Variants in DNAL1 observed in about 807,000 individuals in gnomAD.
The protein encoded by DNAL1 is dynein axonemal light chain 1, also known as chromosome 14 open reading frame 168.
In DNAL1, 17 loss-of-function variants were observed where a neutral mutation model predicts 29.4. The ratio of observed to expected loss-of-function variants is 0.58; its 90% CI spans 0.40 to 0.87. DNAL1 has a LOEUF of 0.87. Ranked by LOEUF, DNAL1 falls within the 40% of genes least tolerant of loss-of-function variation. The pLI is 0.00. For missense variants in DNAL1, 188 were observed against 214.1 expected, an observed-to-expected ratio of 0.88 and a Z score of 0.76; for synonymous variants, 78 against 76.3, an observed-to-expected ratio of 1.02 and a Z score of -0.12.
intron 6 of DNAL1, among the ~76,000 whole-genome samples, chr14:73,688,490 G>A (rs545863097): frequency 3.4e-4 from 52 of 152,208 alleles, no homozygotes; most frequent in Non-Finnish European, 5.9e-4. Flanking sequence ...AGGTGTGGTG[G>A]TACATGCCTG....
intron 4 of DNAL1, among the ~76,000 whole-genome samples, chr14:73,669,890 A>C (rs2140041002): frequency 6.6e-6 from 1 of 152,272 alleles, no homozygotes; most frequent in Non-Finnish European, 1.5e-5. Context: ...CCACTCTTAA[A>C]ATACCTTGCT....
chr14:73,677,170 C>T (rs1372669426), intron 5 of DNAL1, among the ~76,000 whole-genome samples: 1 of 151,882 alleles, frequency 6.6e-6, no homozygotes, highest in Non-Finnish European at 1.5e-5. Context: ...CGTGATTTCA[C>T]CTTGCTAGCC....
At chr14:73,680,631 ATTAT>A (rs779588749) in intron 5 of DNAL1, among the ~76,000 whole-genome samples, 232 of 149,906 alleles carry the variant, frequency 1.5e-3, no homozygotes, top group Middle Eastern at 3.4e-3. Context: ...TCACTCAAAC[ATTAT>A]TTATTTATAG....
intron 5 of DNAL1, among the ~76,000 whole-genome samples, chr14:73,683,718 C>A (rs942193649): frequency 9.5e-5 from 13 of 136,810 alleles, no homozygotes; most frequent in Admixed American, 1.5e-4. Flanking sequence ...TATTATTATT[C>A]TTTTGAGAAT....
chr14:73,651,715 G>T (rs1224546857), intron 1 of DNAL1, among the ~76,000 whole-genome samples: 1 of 152,160 alleles, frequency 6.6e-6, no homozygotes, highest in African/African-American at 2.4e-5. Flanking sequence ...GCAGTGCAAT[G>T]CCGCAATCTC....
intron 4 of DNAL1, among the ~76,000 whole-genome samples, chr14:73,666,725 A>G (rs1323540378): frequency 6.6e-6 from 1 of 152,134 alleles, no homozygotes; most frequent in Non-Finnish European, 1.5e-5. Context: ...AAAGTTGCAT[A>G]TATTTGTTAT....
intron 1 of DNAL1, among the ~76,000 whole-genome samples, chr14:73,648,421 T>TATATATATATATATATA (rs1891032490): frequency 7.7e-6 from 1 of 129,598 alleles, no homozygotes; most frequent in Non-Finnish European, 1.7e-5. Flanking sequence ...TATATATTTG[T>TATATATATATATATATA]TGTTTGTTTG....
At position 73,671,554 on chromosome 14, in the gene DNAL1, T is replaced by G. The variant is rs781680294; in HGVS notation, c.221T>G (p.Ile74Arg). 4.7e-6 allele frequency: 7 copies of G among 1,492,040 alleles called. No individual in the cohort carries two copies. In the Admixed American group the frequency reaches 1.1e-4, roughly 24 times the overall value. 92.4% of individuals were successfully genotyped at this position (1,492,040 alleles called of 1,614,324 possible). A position where few individuals can be genotyped will look rare whatever the true frequency, so the allele number is the denominator to read the frequency against. Residue 74 changes from isoleucine to arginine, a missense_variant, in exon 5 of 8, where the codon ATA (isoleucine) becomes AGA (arginine). Coordinates refer to ENST00000553645, the MANE Select transcript of DNAL1 (RefSeq NM_031427.4). ...CTTTTCACTACAGAAAACTTGAGGA[T>G]ATTATCTTTAGGAAGAAACAACATA... ...ANLNGLKNLR[I>R]LSLGRNNIKN...
Position 73,701,771 on chromosome 14 carries a change from C to T in DNAL1, c.*5829C>T, listed in dbSNP as rs1403175460. ...TTTGGCTTCTAGAACCAACTCCATT[C>T]TGAAGAACATTTTAACATCTATGAA... On this transcript the variant is annotated 3_prime_UTR_variant, in exon 8 of 8. Coordinates refer to ENST00000553645, the MANE Select transcript of DNAL1 (RefSeq NM_031427.4). The T allele has an allele frequency of 2.0e-5, 3 of 152,130 alleles. No homozygotes were observed. The highest frequency in any genetic ancestry group is 4.4e-5 in the Non-Finnish European group (3 of 68,016). The allele number at this position is 152,130 out of a possible 1,614,324, so 9.4% of individuals were successfully genotyped here.
chr14:73,666,934 C>T (rs1298267031), intron 4 of DNAL1, among the ~76,000 whole-genome samples: 1 of 151,742 alleles, frequency 6.6e-6, no homozygotes, highest in Non-Finnish European at 1.5e-5. Context: ...TTCAAGTCCC[C>T]ACGACTCAGT....
chr14:73,677,550 A>AT (rs1566887212), intron 5 of DNAL1, among the ~76,000 whole-genome samples: 3 of 148,482 alleles, frequency 2.0e-5, no homozygotes, highest in African/African-American at 7.4e-5. Context: ...AAATATATTT[A>AT]TTTATTTATT....
chr14:73,680,829 A>G (rs1595219542), intron 5 of DNAL1, among the ~76,000 whole-genome samples: 1 of 152,234 alleles, frequency 6.6e-6, no homozygotes, highest in Non-Finnish European at 1.5e-5. Flanking sequence ...GGTTTAGCCT[A>G]TTGCTCCTAG....
At chr14:73,681,674 C>T (rs1263743856) in intron 5 of DNAL1, among the ~76,000 whole-genome samples, 1 of 130,408 alleles carries the variant, frequency 7.7e-6, no homozygotes, top group African/African-American at 3.2e-5. Context: ...TGTGGTGATG[C>T]ACACTGTAGT....
intron 4 of DNAL1, among the ~76,000 whole-genome samples, chr14:73,666,567 A>ATATAT (rs1891485188): frequency 6.6e-6 from 1 of 152,206 alleles, no homozygotes; most frequent in Admixed American, 6.6e-5. Context: ...TATGGAAAAT[A>ATATAT]TATATTATGT....
chr14:73,667,555 A>G (rs180759088), intron 4 of DNAL1, among the ~76,000 whole-genome samples: 96 of 151,928 alleles, frequency 6.3e-4, no homozygotes, highest in Admixed American at 1.9e-3. Flanking sequence ...CTGGAGTGCA[A>G]TGATGCCATC....
At chr14:73,674,317 C>T (rs1406909908) in intron 5 of DNAL1, among the ~76,000 whole-genome samples, 2 of 152,124 alleles carry the variant, frequency 1.3e-5, no homozygotes, top group Non-Finnish European at 1.5e-5. Flanking sequence ...TTCCACAATG[C>T]GGACCCCTTC....
intron 5 of DNAL1, among the ~76,000 whole-genome samples, chr14:73,675,310 G>A (rs534088825): frequency 1.3e-5 from 2 of 151,832 alleles, no homozygotes; most frequent in African/African-American, 4.8e-5. Flanking sequence ...CTGGAGTGCA[G>A]TGGCATGATT....
chr14:73,676,994 G>A (rs1413229574), intron 5 of DNAL1, among the ~76,000 whole-genome samples: 1 of 137,852 alleles, frequency 7.3e-6, no homozygotes, highest in Non-Finnish European at 1.5e-5. Context: ...TAATTGAGAT[G>A]CAGTCTTGCT....
At chr14:73,649,164 G>A (rs1459605739) in intron 1 of DNAL1, among the ~76,000 whole-genome samples, 1 of 151,076 alleles carries the variant, frequency 6.6e-6, no homozygotes, top group East Asian at 2.0e-4. Context: ...TAGTAGAGAC[G>A]GGGGTCTCCC....
Sources: allele counts gnomAD v4.1 joint callset (sites outside exome capture counted in the v4.1 genomes callset), GRCh38; gene constraint gnomAD v4.1.1; transcripts MANE v1.5; gene names NCBI Gene and HGNC (gene_info 2026-07-23, HGNC 2026-07-21).